Variants in PLXNA4 observed in about 807,000 individuals in gnomAD.
The protein encoded by PLXNA4 is plexin-A4.
In PLXNA4, 44 loss-of-function variants were observed where a neutral mutation model predicts 191.8. The observed-to-expected ratio is 0.23, with a 90% CI of 0.18 to 0.29. PLXNA4 has a LOEUF of 0.29. Among genes scored for constraint, PLXNA4 ranks in the 10% least tolerant of loss-of-function variants. The pLI is 1.00. For synonymous variants in PLXNA4, 1,082 were observed against 1,009.5 expected (o/e 1.07, Z -1.36); for missense variants, 1,800 against 2,488.8 (o/e 0.72, Z 5.89).
At chr7:132,368,882 A>G (rs1804307849) in intron 3 of PLXNA4, among the ~76,000 whole-genome samples, 1 of 152,212 alleles carries the variant, frequency 6.6e-6, no homozygotes, top group African/African-American at 2.4e-5. Flanking sequence ...CCCACATTGC[A>G]TCTGCAGCAG....
intron 31 of PLXNA4, among the ~76,000 whole-genome samples, chr7:132,131,170 A>G (rs1302422967): frequency 1.3e-5 from 2 of 152,226 alleles, no homozygotes; most frequent in African/African-American, 4.8e-5. Flanking sequence ...ATGTCTACCA[A>G]AGCCTTTTCT....
At chr7:132,160,094 C>T (rs1295769889) in intron 24 of PLXNA4, among the ~76,000 whole-genome samples, 1 of 152,166 alleles carries the variant, frequency 6.6e-6, no homozygotes, top group East Asian at 1.9e-4. Context: ...TGTCTGTCTC[C>T]TTCTTGTCAC....
chr7:132,145,068 G>T (rs959409811), intron 29 of PLXNA4, 51 bp downstream of exon 29: 11 of 1,612,046 alleles, frequency 6.8e-6, no homozygotes, highest in Admixed American at 1.7e-5. Flanking sequence ...TTAACTTGAG[G>T]CTGGGTGGGC....
At chr7:132,640,562 C>T (rs1803721789) in intron 2 of PLXNA4, among the ~76,000 whole-genome samples, 1 of 152,188 alleles carries the variant, frequency 6.6e-6, no homozygotes, top group Admixed American at 6.5e-5. Context: ...AGGCAGCCAT[C>T]TGCAAGCAAG....
chr7:132,298,902 C>A (rs1801204352), intron 3 of PLXNA4, among the ~76,000 whole-genome samples: 1 of 152,250 alleles, frequency 6.6e-6, no homozygotes, highest in African/African-American at 2.4e-5. Flanking sequence ...CTGAATAGAT[C>A]ATCCCCGGCC....
Position 132,223,577 on chromosome 7 carries a change from G to C in PLXNA4, c.2047C>G (p.His683Asp). 1 of 1,613,896 alleles carries C rather than the reference G, an allele frequency of 6.2e-7. No homozygotes were observed. The highest frequency in any genetic ancestry group is 8.5e-7 in the Non-Finnish European group (1 of 1,179,944). The change falls in exon 9 of 32, where the codon CAT becomes GAT. Residue 683 changes from histidine (H) to aspartate (D), a missense_variant. Around this residue, in one of 6 missense-constraint regions of PLXNA4, gnomAD observed 1,397 missense variants for 1,880.4 expected, o/e 0.74. Transcript: ENST00000321063. ...TGGAAGGAGCAGGTCTTGGGGTCAT[G>C]GGTGCAGACATGCCGGTATTTACAC... ...HWCKYRHVCT[H>D]DPKTCSFQEG...
At chr7:132,310,099 G>T (rs531515587) in intron 3 of PLXNA4, among the ~76,000 whole-genome samples, 1 of 152,326 alleles carries the variant, frequency 6.6e-6, no homozygotes, top group East Asian at 1.9e-4. Context: ...AAGCTCGACT[G>T]CTGATTCTGT....
At chr7:132,302,983 T>C (rs1258765648) in intron 3 of PLXNA4, among the ~76,000 whole-genome samples, 1 of 152,106 alleles carries the variant, frequency 6.6e-6, no homozygotes, top group Non-Finnish European at 1.5e-5. Context: ...TTCAAGCGAT[T>C]CTCCTGCCTC....
chr7:132,208,991 G>T (rs1797714414), intron 10 of PLXNA4, among the ~76,000 whole-genome samples: 1 of 152,186 alleles, frequency 6.6e-6, no homozygotes, highest in Non-Finnish European at 1.5e-5. Context: ...AAATGCTGAG[G>T]ACATTTCAAC....
chr7:132,277,467 G>A (rs1266060448), intron 4 of PLXNA4, among the ~76,000 whole-genome samples: 1 of 152,206 alleles, frequency 6.6e-6, no homozygotes, highest in East Asian at 1.9e-4. Context: ...GAGGATGAGT[G>A]TGAGGATGAC....
At chr7:132,642,193 G>C (rs1303276093) in intron 2 of PLXNA4, among the ~76,000 whole-genome samples, 1 of 151,924 alleles carries the variant, frequency 6.6e-6, no homozygotes, top group East Asian at 1.9e-4. Flanking sequence ...AAACCCTTCT[G>C]TATACAGAAT....
chr7:132,389,145 C>CT (rs201753574), intron 3 of PLXNA4, among the ~76,000 whole-genome samples: 3,873 of 152,078 alleles, frequency 0.025, 169 homozygotes, highest in African/African-American at 0.089. Flanking sequence ...TGTGTAAGTT[C>CT]TTGTAGATTC....
In PLXNA4 at chr7:132,384,790, A is replaced by T. The variant is rs1805051103; in HGVS notation, c.1372-86568T>A. The T allele has an allele frequency of 4.7e-5, 51 of 1,088,970 alleles. No homozygotes were observed. The South Asian group carries it at 1.0e-3, about 22-fold the overall frequency. The allele number at this position is 1,088,970 out of a possible 1,614,324, so 67.5% of individuals were successfully genotyped here. ...CACACACACACACACACACACACAC[A>T]CTGGCCAGGCGACTTGGCTGCAGAA... On this transcript the variant is annotated intron_variant, in intron 3 of 31. Transcript: ENST00000321063.
At position 132,206,573 on chromosome 7, in the gene PLXNA4, A is replaced by G. The variant is rs577889379; in HGVS notation, c.2299-3154T>C. 2.6e-5 allele frequency among the ~76,000 whole-genome samples: 4 copies of G among 151,994 alleles called. No individual in the cohort carries two copies. In the East Asian group the frequency reaches 7.8e-4, roughly 29 times the overall value. ...CATTTCTTTCTCTTTCTCTCCCCCA[A>G]TCCTGGGATCTAATGACTATTAGAG... On this transcript the variant is annotated intron_variant, in intron 10 of 31. Coordinates refer to ENST00000321063, the MANE Select transcript of PLXNA4 (RefSeq NM_020911.2).
intron 3 of PLXNA4, among the ~76,000 whole-genome samples, chr7:132,328,151 G>T (rs1802445040): frequency 6.6e-6 from 1 of 152,136 alleles, no homozygotes; most frequent in African/African-American, 2.4e-5. Context: ...TAAGTGAAGG[G>T]GTCACTGGGT....
chr7:132,338,479 T>C (rs1444662348), intron 3 of PLXNA4, among the ~76,000 whole-genome samples: 1 of 152,252 alleles, frequency 6.6e-6, no homozygotes, highest in Non-Finnish European at 1.5e-5. Context: ...AGATGTAATA[T>C]GATGTCAGTA....
At chr7:132,450,740 C>T (rs1190287492) in intron 3 of PLXNA4, among the ~76,000 whole-genome samples, 1 of 152,182 alleles carries the variant, frequency 6.6e-6, no homozygotes, top group African/African-American at 2.4e-5. Flanking sequence ...GGACTCCTAG[C>T]CCCCTTAGTG....
At chr7:132,484,990 C>T (rs17852614) in intron 3 of PLXNA4, 1 of 1,614,124 alleles carries the variant, frequency 6.2e-7, no homozygotes, top group East Asian at 2.2e-5. Flanking sequence ...GGGTGATTCC[C>T]CCTTGTGGAC....
At chr7:132,560,206 G>T (rs1245959367) in intron 1 of PLXNA4, among the ~76,000 whole-genome samples, 1 of 152,122 alleles carries the variant, frequency 6.6e-6, no homozygotes, top group East Asian at 1.9e-4. Context: ...TTGAGCATGC[G>T]CTCATTGAAG....
Sources: gnomAD v4.1 joint callset for allele counts (sites outside exome capture counted in the v4.1 genomes callset) on GRCh38, gnomAD v4.1.1 for gene constraint, gnomAD v4.1.1 regional missense constraint, MANE v1.5 for transcripts, NCBI Gene and HGNC (gene_info 2026-07-23, HGNC 2026-07-21) for gene names.